INSL6: variants seen among roughly 807,000 people sequenced by gnomAD.
INSL6 encodes the protein insulin like 6.
A neutral mutation model predicts 9.4 loss-of-function variants in INSL6; 16 were observed. The observed-to-expected ratio is 1.70, with a 90% confidence interval of 1.15 to 2.59. INSL6 has a LOEUF of 2.59. INSL6 is among the 30% of genes most tolerant of loss of function. The pLI is 0.00. For synonymous variants in INSL6, 154 were observed against 96.9 expected (o/e 1.59, Z -3.46); for missense variants, 391 against 257.3 (o/e 1.52, Z -3.56).
the INSL6 span, among the ~76,000 whole-genome samples, chr9:5,057,589 T>C: frequency 6.7e-6 from 1 of 148,490 alleles, no homozygotes; most frequent in Non-Finnish European, 1.5e-5. Context: ...TCTTTTTTTT[T>C]TTTTTTTTTT....
At chr9:5,115,373 G>A in the INSL6 span, among the ~76,000 whole-genome samples, 1 of 152,138 alleles carries the variant, frequency 6.6e-6, no homozygotes, top group Non-Finnish European at 1.5e-5. Context: ...ACCATCTCAT[G>A]CCAGTTAGAA....
At chr9:4,994,303 G>C in the INSL6 span, among the ~76,000 whole-genome samples, 3 of 152,196 alleles carry the variant, frequency 2.0e-5, no homozygotes, top group African/African-American at 7.2e-5. Flanking sequence ...TGAAGACAGT[G>C]AGGATTAACT....
intron 2 of INSL6, among the ~76,000 whole-genome samples, chr9:5,158,550 C>T (rs1824862946): frequency 6.6e-6 from 1 of 152,018 alleles, no homozygotes; most frequent in African/African-American, 2.4e-5. Flanking sequence ...TCAGTGAAAA[C>T]CTTACAGGCC....
chr9:5,104,508 TGAAACTATTCCAATCAATGGAAAAA>T, the INSL6 span, among the ~76,000 whole-genome samples: 1 of 152,198 alleles, frequency 6.6e-6, no homozygotes, highest in South Asian at 2.1e-4. Context: ...CCATTCCTTC[TGAAACTATTCCAATCAATGGAAAAA>T]GAGGGAATCC....
intron 1 of INSL6, among the ~76,000 whole-genome samples, chr9:5,169,181 C>A (rs1825126370): frequency 1.3e-5 from 2 of 152,180 alleles, no homozygotes; most frequent in Admixed American, 1.3e-4. Flanking sequence ...CTGCCTTGGC[C>A]TCCCAAAGTG....
the INSL6 span, among the ~76,000 whole-genome samples, chr9:4,996,588 G>A: frequency 6.6e-6 from 1 of 151,526 alleles, no homozygotes; most frequent in South Asian, 2.1e-4. Context: ...GGAGGGGCGG[G>A]GGTGATGTGA....
At position 5,133,078 on chromosome 9, in the gene INSL6, A is replaced by C. The variant is rs1443507923; in HGVS notation, c.*10+347T>G. ...TTTCAGCAGAGGTGTTATGCCTCCA[A>C]GAGTGTGAAAACTGATGTTGGAGGA... On this transcript the variant is annotated intron_variant, in intron 3 of 3. Transcript: ENST00000649639. Among the ~76,000 whole-genome samples the C allele has an allele frequency of 8.5e-5, 13 of 152,230 alleles. 1 individual carries two copies. The highest frequency in any genetic ancestry group is 1.5e-5 in the Non-Finnish European group (1 of 68,046).
At chr9:5,140,226 C>T (rs1276942131) in intron 2 of INSL6, among the ~76,000 whole-genome samples, 1 of 152,010 alleles carries the variant, frequency 6.6e-6, no homozygotes, top group Non-Finnish European at 1.5e-5. Context: ...GTGAATGACA[C>T]CAACTAAAGC....
chr9:5,085,351 C>G, the INSL6 span: 1 of 897,050 alleles, frequency 1.1e-6, no homozygotes, highest in African/African-American at 1.6e-5. Context: ...TACATTTTTT[C>G]CGTACTGATA....
the INSL6 span, chr9:5,114,845 C>A: frequency 8.2e-6 from 2 of 243,578 alleles, no homozygotes; most frequent in Non-Finnish European, 1.6e-5. Flanking sequence ...CTCTGTCCAG[C>A]TGTGTGGTGG....
At chr9:5,059,579 T>C in the INSL6 span, among the ~76,000 whole-genome samples, 3 of 152,270 alleles carry the variant, frequency 2.0e-5, no homozygotes, top group Middle Eastern at 3.4e-3. Context: ...ATATATATCC[T>C]AGAGATAGGA....
At chr9:5,080,236 G>A in the INSL6 span, 2 of 1,610,704 alleles carry the variant, frequency 1.2e-6, no homozygotes, top group Non-Finnish European at 1.7e-6. Context: ...AAGTTCTTCA[G>A]GAGAGAATAC....
chr9:5,109,805 C>G, the INSL6 span: 2 of 152,024 alleles, frequency 1.3e-5, no homozygotes, highest in African/African-American at 2.4e-5. Context: ...AAACTCAGAC[C>G]CTAACATTAA....
At chr9:5,080,140 A>G in the INSL6 span, 1 of 1,041,860 alleles carries the variant, frequency 9.6e-7, no homozygotes, top group Non-Finnish European at 1.4e-6. Flanking sequence ...CTGATTATTC[A>G]AATGATTTGA....
intron 2 of INSL6, among the ~76,000 whole-genome samples, chr9:5,138,582 G>A (rs901896603): frequency 6.6e-6 from 1 of 152,054 alleles, no homozygotes; most frequent in Non-Finnish European, 1.5e-5. Flanking sequence ...GGCCTGTTGG[G>A]CAGTGGGGGG....
intron 2 of INSL6, among the ~76,000 whole-genome samples, chr9:5,154,907 G>A (rs971770718): frequency 1.3e-5 from 2 of 152,218 alleles, no homozygotes; most frequent in African/African-American, 4.8e-5. Context: ...CATTGTGGAA[G>A]TCAGTGTGGC....
the INSL6 span, chr9:5,114,442 C>G: frequency 6.2e-6 from 3 of 481,776 alleles, no homozygotes; most frequent in African/African-American, 5.9e-5. Flanking sequence ...TGCAGGGTGA[C>G]CCACACCCAC....
the INSL6 span, chr9:5,078,387 C>T: frequency 6.2e-7 from 1 of 1,612,974 alleles, no homozygotes; most frequent in East Asian, 2.2e-5. Flanking sequence ...GACAGGAAAT[C>T]CTCCTTTCAT....
At chr9:5,089,965 C>T in the INSL6 span, 5 of 694,344 alleles carry the variant, frequency 7.2e-6, no homozygotes, top group East Asian at 3.3e-5. Flanking sequence ...TATGCCAATG[C>T]CCAGAGGGAG....
Sources: gnomAD v4.1 joint callset for allele counts (sites outside exome capture counted in the v4.1 genomes callset) on GRCh38, gnomAD v4.1.1 for gene constraint, MANE v1.5 for transcripts, NCBI Gene and HGNC (gene_info 2026-07-23, HGNC 2026-07-21) for gene names.